Variants in TEKT5 observed in about 807,000 individuals in gnomAD.
TEKT5 encodes the protein tektin-5.
In TEKT5, 52 loss-of-function variants were observed where a neutral mutation model predicts 48.7. That is an observed-to-expected ratio of 1.07 (90% CI 0.86 to 1.35). TEKT5 has a LOEUF of 1.35. TEKT5 is among the 40% of genes most tolerant of loss of function. The pLI, the probability that TEKT5 is intolerant of heterozygous loss-of-function variation, is 0.00. For missense variants in TEKT5, 831 were observed against 641.6 expected (o/e 1.30, Z -3.19); for synonymous variants, 318 against 267.6 (o/e 1.19, Z -1.84).
At chr16:10,643,107 A>AT (rs1898018429) in intron 5 of TEKT5, among the ~76,000 whole-genome samples, 2 of 152,206 alleles carry the variant, frequency 1.3e-5, no homozygotes, top group African/African-American at 4.8e-5. Context: ...AAGGCTGGGC[A>AT]TGGTGGCTCA....
At chr16:10,683,666 C>G (rs1052684721) in intron 3 of TEKT5, among the ~76,000 whole-genome samples, 1 of 152,218 alleles carries the variant, frequency 6.6e-6, no homozygotes, top group Admixed American at 6.5e-5. Context: ...TCTCAGCTCA[C>G]TGCAACTTCC....
intron 5 of TEKT5, among the ~76,000 whole-genome samples, chr16:10,660,243 G>C (rs1490655058): frequency 6.6e-6 from 1 of 152,064 alleles, no homozygotes; most frequent in Non-Finnish European, 1.5e-5. Flanking sequence ...CTGTGTAATA[G>C]AAAAGGGCTC....
intron 5 of TEKT5, 41 bp from the exon 6 acceptor site, chr16:10,635,959 T>C: frequency 6.2e-7 from 1 of 1,603,584 alleles, no homozygotes; most frequent in Non-Finnish European, 8.5e-7. Flanking sequence ...ACCAGGCCCT[T>C]CTGACCTCCT....
intron 5 of TEKT5, among the ~76,000 whole-genome samples, chr16:10,671,096 T>C (rs1478910660): frequency 2.0e-5 from 3 of 152,178 alleles, no homozygotes; most frequent in Non-Finnish European, 4.4e-5. Flanking sequence ...TCAGTAATTA[T>C]ATTAATACTT....
At chr16:10,631,893 T>C (rs1217085386) in intron 6 of TEKT5, among the ~76,000 whole-genome samples, 1 of 152,180 alleles carries the variant, frequency 6.6e-6, no homozygotes, top group Non-Finnish European at 1.5e-5. Flanking sequence ...GGGAATAAAC[T>C]TCTGTTGTCT....
At chr16:10,655,752 G>T (rs570422854) in intron 5 of TEKT5, among the ~76,000 whole-genome samples, 2 of 152,246 alleles carry the variant, frequency 1.3e-5, no homozygotes, top group South Asian at 2.1e-4. Context: ...AGATGTGATG[G>T]TGGAGCTCCA....
chr16:10,642,055 T>C (rs1898001815), intron 5 of TEKT5, among the ~76,000 whole-genome samples: 1 of 152,260 alleles, frequency 6.6e-6, no homozygotes, highest in African/African-American at 2.4e-5. Context: ...ACAGAGCTAC[T>C]GATATTCACC....
chr16:10,683,213 C>T (rs933160319), intron 3 of TEKT5, among the ~76,000 whole-genome samples: 1 of 132,128 alleles, frequency 7.6e-6, no homozygotes, highest in African/African-American at 3.0e-5. Flanking sequence ...AAGCCGACAA[C>T]ATCACACGTG....
chr16:10,678,962 G>T (rs1898697631), intron 4 of TEKT5, among the ~76,000 whole-genome samples: 1 of 152,254 alleles, frequency 6.6e-6, no homozygotes, highest in Middle Eastern at 3.4e-3. Context: ...AGGCAGGAAG[G>T]CACCATTGGT....
intron 5 of TEKT5, among the ~76,000 whole-genome samples, chr16:10,645,754 A>T (rs562889004): frequency 5.3e-5 from 8 of 152,348 alleles, no homozygotes; most frequent in African/African-American, 1.9e-4. Flanking sequence ...GGGAGCCAAG[A>T]TCACACCATT....
chr16:10,657,650 C>T lies in TEKT5; in HGVS notation c.1086+18309G>A, dbSNP rs112088022. Among the ~76,000 whole-genome samples the T allele has an allele frequency of 2.0e-3, 294 of 149,862 alleles. 4 individuals carry two copies. The highest frequency in any genetic ancestry group is 7.0e-3 in the African/African-American group (286 of 40,706). On this transcript the variant is annotated intron_variant, in intron 5 of 6. Coordinates refer to ENST00000283025, the MANE Select transcript of TEKT5 (RefSeq NM_144674.2). ...AGTCACCCAGGCTGGAGTGCAGTGG[C>T]GCAATCTCGGCTCACTGCAAGCTCC...
At chr16:10,682,215 T>C in intron 3 of TEKT5, 79 bp from the exon 4 acceptor site, 1 of 1,523,566 alleles carries the variant, frequency 6.6e-7, no homozygotes, top group South Asian at 1.3e-5. Flanking sequence ...AGGTGTGTGT[T>C]GCAAGCCCTG....
At chr16:10,636,329 T>C (rs950230374) in intron 5 of TEKT5, among the ~76,000 whole-genome samples, 1 of 151,256 alleles carries the variant, frequency 6.6e-6, no homozygotes, top group East Asian at 1.9e-4. Flanking sequence ...GAGCTGAGAT[T>C]GTGCCACCGC....
intron 5 of TEKT5, among the ~76,000 whole-genome samples, chr16:10,638,771 A>G (rs936043960): frequency 6.6e-6 from 1 of 152,238 alleles, no homozygotes; most frequent in African/African-American, 2.4e-5. Context: ...GTTCACCATA[A>G]TTAATGAAGA....
chr16:10,650,932 C>T (rs1330260706), intron 5 of TEKT5, among the ~76,000 whole-genome samples: 1 of 151,386 alleles, frequency 6.6e-6, no homozygotes, highest in African/African-American at 2.4e-5. Context: ...GCAGCCCCTG[C>T]TTGTGCACTA....
intron 3 of TEKT5, among the ~76,000 whole-genome samples, chr16:10,684,399 T>C (rs1205530937): frequency 1.3e-5 from 2 of 151,664 alleles, no homozygotes; most frequent in African/African-American, 4.8e-5. Context: ...CTCCATCTTT[T>C]TTTTTTTTTT....
chr16:10,686,929 T>A (rs1898870784), intron 3 of TEKT5, among the ~76,000 whole-genome samples: 2 of 152,164 alleles, frequency 1.3e-5, no homozygotes, highest in Non-Finnish European at 2.9e-5. Flanking sequence ...ATCCTGTCAT[T>A]TGTGACAACA....
At chr16:10,660,413 G>A (rs1367970512) in intron 5 of TEKT5, among the ~76,000 whole-genome samples, 1 of 152,028 alleles carries the variant, frequency 6.6e-6, no homozygotes, top group East Asian at 1.9e-4. Flanking sequence ...TCTGTGCAGG[G>A]TGTCCTGGAG....
At chr16:10,693,190 G>A (rs1899012784) in intron 1 of TEKT5, among the ~76,000 whole-genome samples, 1 of 152,158 alleles carries the variant, frequency 6.6e-6, no homozygotes, top group Admixed American at 6.5e-5. Flanking sequence ...CCGCCTCCTG[G>A]GTTCAAGAGA....
Sources: allele counts gnomAD v4.1 joint callset (sites outside exome capture counted in the v4.1 genomes callset), GRCh38; gene constraint gnomAD v4.1.1; transcripts MANE v1.5; gene names NCBI Gene and HGNC (gene_info 2026-07-23, HGNC 2026-07-21).